Variants in XRRA1 observed in about 807,000 individuals in gnomAD.
XRRA1 encodes X-ray radiation resistance-associated protein 1.
A neutral mutation model predicts 80.2 loss-of-function variants in XRRA1; 69 were observed. The ratio of observed to expected loss-of-function variants is 0.86; its 90% CI spans 0.71 to 1.05. The LOEUF (loss-of-function observed/expected upper bound fraction) is 1.05. Ranked by LOEUF, XRRA1 falls within the 50% of genes least tolerant of loss-of-function variation. The pLI, the probability that XRRA1 is intolerant of heterozygous loss-of-function variation, is 0.00. For synonymous variants in XRRA1, 348 were observed against 389.9 expected (o/e 0.89, Z 1.27); for missense variants, 967 against 976.4 (o/e 0.99, Z 0.13).
At chr11:74,851,020 T>C in intron 14 of XRRA1, 68 bp downstream of exon 14, 1 of 1,216,972 alleles carries the variant, frequency 8.2e-7, no homozygotes, top group Non-Finnish European at 1.1e-6. Context: ...TACAGCCAGG[T>C]TGGTTTGCAT....
chr11:74,883,646 C>T (rs1160798942), intron 10 of XRRA1, among the ~76,000 whole-genome samples: 1 of 152,224 alleles, frequency 6.6e-6, no homozygotes, highest in African/African-American at 2.4e-5. Flanking sequence ...GATGGAACCA[C>T]ACATGGACAT....
At chr11:74,889,002 T>A (rs1009270960) in intron 10 of XRRA1, among the ~76,000 whole-genome samples, 1 of 152,202 alleles carries the variant, frequency 6.6e-6, no homozygotes, top group Admixed American at 6.5e-5. Flanking sequence ...CCAGGAGAAC[T>A]TCCCCAACCT....
At chr11:74,904,577 A>C (rs1383323075) in intron 10 of XRRA1, among the ~76,000 whole-genome samples, 1 of 152,138 alleles carries the variant, frequency 6.6e-6, no homozygotes, top group African/African-American at 2.4e-5. Flanking sequence ...GCTCACAAGA[A>C]GAAAAAAAAG....
At chr11:74,878,831 T>A (rs2046737000) in intron 10 of XRRA1, among the ~76,000 whole-genome samples, 1 of 151,984 alleles carries the variant, frequency 6.6e-6, no homozygotes, top group African/African-American at 2.4e-5. Context: ...ATATCTCTGT[T>A]TTGGTACCAG....
At chr11:74,858,277 A>G (rs1187147760) in intron 12 of XRRA1, among the ~76,000 whole-genome samples, 3 of 152,236 alleles carry the variant, frequency 2.0e-5, no homozygotes, top group Non-Finnish European at 2.9e-5. Context: ...ATTTTCGGCA[A>G]GGGTGTAACA....
intron 9 of XRRA1, 51 bp downstream of exon 9, chr11:74,907,094 G>A: frequency 1.9e-6 from 3 of 1,609,160 alleles, no homozygotes; most frequent in Non-Finnish European, 2.5e-6. Flanking sequence ...CAGAGTGTGA[G>A]CAAGCCTGGG....
intron 4 of XRRA1, among the ~76,000 whole-genome samples, chr11:74,935,592 C>A (rs540332699): frequency 6.6e-6 from 1 of 152,180 alleles, no homozygotes; most frequent in South Asian, 2.1e-4. Flanking sequence ...GTGGGAGAGG[C>A]AAATGTCAAG....
At chr11:74,876,222 C>A (rs1295539895) in intron 10 of XRRA1, 4 of 152,140 alleles carry the variant, frequency 2.6e-5, no homozygotes, top group Non-Finnish European at 1.5e-5. Flanking sequence ...TGCTTGGAGA[C>A]CCCAGTCCTC....
chr11:74,894,437 C>T (rs1006413071), intron 10 of XRRA1, among the ~76,000 whole-genome samples: 2 of 152,108 alleles, frequency 1.3e-5, no homozygotes, highest in African/African-American at 4.8e-5. Context: ...ATAAGAACTG[C>T]CTGAGACTGA....
intron 15 of XRRA1, among the ~76,000 whole-genome samples, chr11:74,847,148 T>G (rs1296282642): frequency 3.3e-5 from 5 of 152,238 alleles, no homozygotes; most frequent in Non-Finnish European, 7.3e-5. Flanking sequence ...ATTTATATTC[T>G]GCATTGCTCC....
intron 10 of XRRA1, among the ~76,000 whole-genome samples, chr11:74,872,258 A>G (rs1251874659): frequency 6.6e-6 from 1 of 152,196 alleles, no homozygotes; most frequent in Non-Finnish European, 1.5e-5. Flanking sequence ...GAGAAGCACT[A>G]ATAAAACACA....
chr11:74,848,150 C>T lies in XRRA1; in HGVS notation c.1693G>A (p.Asp565Asn). Residue 565 changes from aspartate to asparagine, a missense_variant, in exon 15 of 19, where the codon GAC (aspartate) becomes AAC (asparagine). Transcript: ENST00000684022. The part of the protein sequence containing the change: ...RLSPERPSDE[D>N]SKSTESIFLT... Reference sequence around the variant, plus strand: ...AAGATGGACTCTGTGCTCTTGGAGTCCTCATCTGATGGGCGCTCTGGGCTG... The same window carrying T: ...AAGATGGACTCTGTGCTCTTGGAGTTCTCATCTGATGGGCGCTCTGGGCTG... The T allele has an allele frequency of 6.2e-7, 1 of 1,612,732 alleles. No homozygotes were observed. The highest frequency in any genetic ancestry group is 8.5e-7 in the Non-Finnish European group (1 of 1,179,870).
chr11:74,879,598 G>A (rs1426752164), intron 10 of XRRA1, among the ~76,000 whole-genome samples: 1 of 151,976 alleles, frequency 6.6e-6, no homozygotes, highest in African/African-American at 2.4e-5. Context: ...ATTGGCTGTG[G>A]GTTTGTCATA....
chr11:74,862,345 A>G (rs906609874), intron 11 of XRRA1, among the ~76,000 whole-genome samples: 2 of 152,260 alleles, frequency 1.3e-5, no homozygotes, highest in Admixed American at 1.3e-4. Context: ...GTTAACTGAT[A>G]GAATTTCTCA....
intron 10 of XRRA1, among the ~76,000 whole-genome samples, chr11:74,893,725 A>T (rs950723518): frequency 6.6e-6 from 1 of 152,248 alleles, no homozygotes; most frequent in Non-Finnish European, 1.5e-5. Context: ...AATTACTATT[A>T]TGAAAATGTC....
chr11:74,901,737 T>C (rs1207025089), intron 10 of XRRA1, among the ~76,000 whole-genome samples: 2 of 152,200 alleles, frequency 1.3e-5, no homozygotes, highest in South Asian at 2.1e-4. Context: ...AGGATATCCA[T>C]ATGCAGAAGA....
intron 10 of XRRA1, among the ~76,000 whole-genome samples, chr11:74,891,532 T>C (rs185679536): frequency 0.025 from 3,758 of 152,180 alleles, 166 homozygotes; most frequent in African/African-American, 0.086. Flanking sequence ...CTATTCAACA[T>C]AGTGTTGGAA....
At chr11:74,853,328 C>G (rs1048433893) in intron 12 of XRRA1, among the ~76,000 whole-genome samples, 1 of 152,122 alleles carries the variant, frequency 6.6e-6, no homozygotes, top group African/African-American at 2.4e-5. Flanking sequence ...CTGTATTAAC[C>G]AAAACCATTT....
At position 74,862,979 on chromosome 11, in the gene XRRA1, A is replaced by G; in HGVS notation, c.1044+2T>C. 6.2e-7 allele frequency: 1 copy of G among 1,600,040 alleles called. No individual in the cohort carries two copies. Among genetic ancestry groups the G allele is most frequent in the Non-Finnish European group, 8.5e-7 (1 of 1,172,542 alleles). On this transcript the variant is annotated splice_donor_variant, in intron 11 of 18. Transcript: ENST00000684022. LOFTEE classifies it high-confidence loss of function. ...CACAAATATAAAGTAGTCAGTTCCT[A>G]CCTCTGAGGTTGAAAATCCAGGGTA...
Sources: gnomAD v4.1 joint callset for allele counts (sites outside exome capture counted in the v4.1 genomes callset) on GRCh38, gnomAD v4.1.1 for gene constraint, MANE v1.5 for transcripts, NCBI Gene and HGNC (gene_info 2026-07-23, HGNC 2026-07-21) for gene names.